The following ADGRD1 variants were observed in gnomAD, a reference collection of about 807,000 sequenced individuals.
ADGRD1 encodes the protein G-protein coupled receptor 133.
Under a neutral mutation model 113.4 loss-of-function variants are expected in ADGRD1, and 77 were observed. The ratio of observed to expected loss-of-function variants is 0.68; its 90% CI spans 0.57 to 0.82. The LOEUF is 0.82. Among genes scored for constraint, ADGRD1 ranks in the 40% least tolerant of loss-of-function variants. ADGRD1 has a pLI of 0.00. For synonymous variants in ADGRD1, 474 were observed against 475.0 expected (o/e 1.00, Z 0.03); for missense variants, 1,036 against 1,139.1 (o/e 0.91, Z 1.30).
chr12:130,981,195 G>A (rs577993719), intron 4 of ADGRD1: 1 of 152,178 alleles, frequency 6.6e-6, no homozygotes, highest in Non-Finnish European at 1.5e-5. Context: ...TTCAAGTTCT[G>A]TTTGAAAATT....
intron 13 of ADGRD1, among the ~76,000 whole-genome samples, chr12:131,043,497 G>A (rs1047689749): frequency 1.2e-4 from 18 of 152,262 alleles, no homozygotes; most frequent in Admixed American, 1.3e-4. Context: ...TGGAACGCAC[G>A]GCTTTGTCCT....
At chr12:131,014,382 G>T in intron 13 of ADGRD1, 42 bp downstream of exon 13, 1 of 1,569,298 alleles carries the variant, frequency 6.4e-7, no homozygotes, top group Admixed American at 1.7e-5. Context: ...CCTTTGATCT[G>T]GTTTCACACT....
intron 13 of ADGRD1, among the ~76,000 whole-genome samples, chr12:131,019,736 G>A (rs1879069806): frequency 6.6e-6 from 1 of 152,158 alleles, no homozygotes; most frequent in African/African-American, 2.4e-5. Flanking sequence ...CACAAATTCT[G>A]GAAGGGACTG....
chr12:131,086,457 G>A (rs1182717924), intron 15 of ADGRD1, among the ~76,000 whole-genome samples: 1 of 152,138 alleles, frequency 6.6e-6, no homozygotes, highest in Non-Finnish European at 1.5e-5. Context: ...GGCGCCCCTC[G>A]CTCCCTAACA....
intron 13 of ADGRD1, among the ~76,000 whole-genome samples, chr12:131,058,238 A>G (rs556702923): frequency 2.4e-4 from 36 of 152,188 alleles, no homozygotes; most frequent in Admixed American, 3.9e-4. Context: ...TACAGAACAC[A>G]TTTTCAGTAG....
chr12:131,017,262 ACACACC>A (rs1878673301), intron 13 of ADGRD1, among the ~76,000 whole-genome samples: 1 of 151,150 alleles, frequency 6.6e-6, no homozygotes, highest in Admixed American at 6.6e-5. Context: ...CTCAGTCCAC[ACACACC>A]CAGTCCACAC....
At chr12:131,005,040 G>T (rs910923124) in intron 11 of ADGRD1, among the ~76,000 whole-genome samples, 1 of 152,336 alleles carries the variant, frequency 6.6e-6, no homozygotes, top group African/African-American at 2.4e-5. Flanking sequence ...CCTTCCCAGG[G>T]TTCTGCCTTA....
chr12:131,039,254 G>C (rs981360900), intron 13 of ADGRD1, among the ~76,000 whole-genome samples: 1 of 152,062 alleles, frequency 6.6e-6, no homozygotes, highest in Non-Finnish European at 1.5e-5. Context: ...CGCTGAGCCG[G>C]GACGGTGCGG....
At position 131,140,516 on chromosome 12, in the gene ADGRD1, G is replaced by A. The variant is rs1299611148; in HGVS notation, c.*1253G>A. 5 of 151,968 alleles carry A rather than the reference G, an allele frequency of 3.3e-5. No homozygotes were observed. The highest frequency in any genetic ancestry group is 1.9e-4 in the East Asian group (1 of 5,176). 9.4% of individuals were successfully genotyped at this position (151,968 alleles called of 1,614,324 possible). On this transcript the variant is annotated 3_prime_UTR_variant, in exon 25 of 25. Coordinates refer to ENST00000261654, the MANE Select transcript of ADGRD1 (RefSeq NM_198827.5). ...AGATACGGGCTGTGAGGTTCATACT[G>A]TGCTGATAGCACTCGTGGTGTCTGT...
chr12:131,023,421 C>G (rs1879556981), intron 13 of ADGRD1: 1 of 152,232 alleles, frequency 6.6e-6, no homozygotes, highest in Non-Finnish European at 1.5e-5. Flanking sequence ...ATCCTCCATT[C>G]CCTGCACCCT....
chr12:131,060,241 G>A lies in ADGRD1; in HGVS notation c.1474-16560G>A, dbSNP rs1021640024. ...CTCCCTGGGGATGCTCGGGGCATCC[G>A]CCACAGCCCTGATACCCACTCAGCC... On this transcript the variant is annotated intron_variant, in intron 13 of 24. Coordinates refer to ENST00000261654, the MANE Select transcript of ADGRD1 (RefSeq NM_198827.5). This position sits in a 1 kb window ranked among gnomAD's most constrained non-coding sequence, Gnocchi z 4.4. Among the ~76,000 whole-genome samples the A allele has an allele frequency of 6.6e-6, 1 of 152,212 alleles. No individual in the cohort carries two copies. Among genetic ancestry groups the A allele is most frequent in the African/African-American group, 2.4e-5 (1 of 41,468 alleles).
rs925524773 is a variant in ADGRD1 at position 131,104,848 on chromosome 12, G to C, written c.1689G>C (p.Gln563His). 5 of 1,548,932 alleles carry C rather than the reference G, an allele frequency of 3.2e-6. No individual in the cohort carries two copies. The African/African-American group carries it at 6.8e-5, about 21-fold the overall frequency. ...VVPLELARGH[Q>H]VALSSISYVG... is the part of the protein sequence containing the mutation. ...CCCCGCAGCTTGCACGCGGACACCAGGTGGCGCTGTCGTCTATCAGCTATG... is the reference window on the plus strand; with the variant it reads ...CCCCGCAGCTTGCACGCGGACACCACGTGGCGCTGTCGTCTATCAGCTATG... The change falls in exon 16 of 25, where the codon CAG (glutamine) becomes CAC (histidine). Residue 563 changes from glutamine to histidine, a missense_variant. Gln to His is a conservative substitution (Grantham distance 24). Transcript: ENST00000261654.
chr12:131,070,792 T>C (rs1035883853), intron 13 of ADGRD1: 11 of 518,692 alleles, frequency 2.1e-5, no homozygotes, highest in Admixed American at 7.8e-5. Context: ...GACTGTGGAG[T>C]ACATGTGACT....
At chr12:131,011,307 G>A (rs1356910969) in intron 12 of ADGRD1, among the ~76,000 whole-genome samples, 1 of 151,556 alleles carries the variant, frequency 6.6e-6, no homozygotes, top group Non-Finnish European at 1.5e-5. Flanking sequence ...TACCAAACTG[G>A]GCCTGGTGGA....
intron 12 of ADGRD1, among the ~76,000 whole-genome samples, chr12:131,011,723 C>G (rs1169733194): frequency 6.6e-6 from 1 of 152,248 alleles, no homozygotes; most frequent in Non-Finnish European, 1.5e-5. Flanking sequence ...AATGGCACAG[C>G]CCTAAGTGTT....
At chr12:131,065,001 A>G (rs1175354023) in intron 13 of ADGRD1, among the ~76,000 whole-genome samples, 1 of 152,304 alleles carries the variant, frequency 6.6e-6, no homozygotes, top group East Asian at 1.9e-4. Flanking sequence ...CTGTTATCTC[A>G]GCCCTCATTC....
At chr12:131,131,496 G>C (rs934008710) in intron 20 of ADGRD1, among the ~76,000 whole-genome samples, 2 of 152,188 alleles carry the variant, frequency 1.3e-5, no homozygotes, top group Non-Finnish European at 2.9e-5. Flanking sequence ...ACTAGAACTC[G>C]TCTCTGCTGT....
chr12:131,034,707 G>C (rs1420836746), intron 13 of ADGRD1, among the ~76,000 whole-genome samples: 2 of 152,198 alleles, frequency 1.3e-5, no homozygotes, highest in African/African-American at 4.8e-5. Flanking sequence ...CTAGGACACG[G>C]TGGTGGCCCC....
chr12:130,965,294 C>G lies in ADGRD1; in HGVS notation c.104-1169C>G, dbSNP rs1475592679. Among the ~76,000 whole-genome samples, 1 of 152,080 alleles carries G rather than the reference C, an allele frequency of 6.6e-6. No homozygotes were observed. Among genetic ancestry groups the G allele is most frequent in the Admixed American group, 6.6e-5 (1 of 15,262 alleles). ...GTAATAGTGTTTCACTGACGAAATT[C>G]TTTTCTTATTTGTAATCGTTTTCCA... On this transcript the variant is annotated intron_variant, in intron 2 of 24. Coordinates refer to ENST00000261654, the MANE Select transcript of ADGRD1 (RefSeq NM_198827.5). This position sits in a 1 kb window ranked among gnomAD's most constrained non-coding sequence, Gnocchi z 4.8.
Sources: gnomAD v4.1 joint callset for allele counts (sites outside exome capture counted in the v4.1 genomes callset) on GRCh38, gnomAD v4.1.1 for gene constraint, Gnocchi (gnomAD v3.1) non-coding constraint, MANE v1.5 for transcripts, NCBI Gene and HGNC (gene_info 2026-07-23, HGNC 2026-07-21) for gene names.